Variants in SYNPO2 observed in about 807,000 individuals in gnomAD.
The protein encoded by SYNPO2 is synaptopodin-2.
In SYNPO2, 56 loss-of-function variants were observed where a neutral mutation model predicts 85.0. That is an observed-to-expected ratio of 0.66 (90% CI 0.53 to 0.82). The LOEUF (loss-of-function observed/expected upper bound fraction) is 0.82, where lower values mean the gene tolerates loss of function less well. SYNPO2 is among the 40% of genes least tolerant of loss of function. The pLI, the probability that SYNPO2 is intolerant of heterozygous loss-of-function variation, is 0.00. For missense variants in SYNPO2, 1,575 were observed against 1,534.2 expected (o/e 1.03, Z -0.44); for synonymous variants, 602 against 591.1 (o/e 1.02, Z -0.27).
intron 1 of SYNPO2, among the ~76,000 whole-genome samples, chr4:118,934,099 C>A (rs1578563700): frequency 1.3e-5 from 2 of 151,994 alleles, no homozygotes; most frequent in African/African-American, 4.8e-5. Flanking sequence ...ATGCAGACTG[C>A]AGTTGGTCTC....
intron 4 of SYNPO2, chr4:119,036,281 T>C: frequency 1.0e-6 from 1 of 985,416 alleles, no homozygotes; most frequent in Non-Finnish European, 1.2e-6. Flanking sequence ...AAATCAGGGT[T>C]GTTGAGTTTG....
chr4:119,053,733 G>A (rs1392452621), intron 4 of SYNPO2, among the ~76,000 whole-genome samples: 1 of 152,070 alleles, frequency 6.6e-6, no homozygotes, highest in East Asian at 1.9e-4. Flanking sequence ...CAAACTCAGT[G>A]CATAAGAGAA....
chr4:118,915,239 A>C (rs957381589), intron 1 of SYNPO2, among the ~76,000 whole-genome samples: 2 of 152,082 alleles, frequency 1.3e-5, no homozygotes, highest in Non-Finnish European at 2.9e-5. Flanking sequence ...CCAAACAAAA[A>C]CTAAGATAAT....
chr4:118,936,583 A>G (rs1360689897), intron 1 of SYNPO2, among the ~76,000 whole-genome samples: 1 of 152,144 alleles, frequency 6.6e-6, no homozygotes, highest in African/African-American at 2.4e-5. Flanking sequence ...CAGCGTGATA[A>G]CCACCCAGGG....
intron 1 of SYNPO2, among the ~76,000 whole-genome samples, chr4:118,909,910 A>G (rs1379921171): frequency 6.6e-6 from 1 of 152,212 alleles, no homozygotes; most frequent in Non-Finnish European, 1.5e-5. Context: ...ACGACACCGC[A>G]GTTGTACAGT....
chr4:118,947,652 T>C (rs916513493), intron 1 of SYNPO2, among the ~76,000 whole-genome samples: 2 of 152,260 alleles, frequency 1.3e-5, no homozygotes, highest in African/African-American at 4.8e-5. Context: ...ACACTTCTGC[T>C]TTAGAATTGA....
chr4:119,033,533 A>G (rs767452381), intron 4 of SYNPO2: 9 of 985,338 alleles, frequency 9.1e-6, no homozygotes, highest in Non-Finnish European at 1.1e-5. Flanking sequence ...ACTATAAAGC[A>G]TTTATGACAG....
intron 1 of SYNPO2, among the ~76,000 whole-genome samples, chr4:118,956,678 T>C (rs1734887591): frequency 6.6e-6 from 1 of 152,116 alleles, no homozygotes; most frequent in Non-Finnish European, 1.5e-5. Context: ...TCAAATGGTC[T>C]CTGAACTGTA....
chr4:119,024,309 C>T (rs1386139676), intron 2 of SYNPO2, among the ~76,000 whole-genome samples: 6 of 152,162 alleles, frequency 3.9e-5, no homozygotes, highest in African/African-American at 9.7e-5. Flanking sequence ...GATTTTGCAA[C>T]GGAAGCTCTG....
intron 1 of SYNPO2, among the ~76,000 whole-genome samples, chr4:118,874,780 T>G (rs1731871783): frequency 6.6e-6 from 1 of 152,146 alleles, no homozygotes; most frequent in Admixed American, 6.5e-5. Context: ...AACAAAAATT[T>G]CAAGTTTTTT....
chr4:119,022,762 A>ATTTTATTTTATGTTT (rs1737786392), intron 1 of SYNPO2, among the ~76,000 whole-genome samples: 4 of 109,782 alleles, frequency 3.6e-5, no homozygotes, highest in Non-Finnish European at 6.1e-5. Flanking sequence ...ATTTTATTTT[A>ATTTTATTTTATGTTT]TATTTTATTT....
intron 4 of SYNPO2, chr4:119,033,258 T>C: frequency 1.0e-6 from 1 of 985,382 alleles, no homozygotes; most frequent in South Asian, 4.7e-5. Context: ...TTTCTTGTGT[T>C]TGCTTTGCTT....
chr4:118,871,488 G>A (rs1731798455), intron 1 of SYNPO2, among the ~76,000 whole-genome samples: 1 of 151,838 alleles, frequency 6.6e-6, no homozygotes, highest in African/African-American at 2.4e-5. Flanking sequence ...ACCGGAATAT[G>A]TGCTTGTAGG....
At position 118,863,453 on chromosome 4, in the gene SYNPO2, T is replaced by C. The variant is rs567485325; in HGVS notation, c.12+12513T>C. Among the ~76,000 whole-genome samples the C allele has an allele frequency of 3.3e-4, 51 of 152,290 alleles. 1 individual carries two copies. Among genetic ancestry groups the C allele is most frequent in the African/African-American group, 1.1e-3 (45 of 41,572 alleles). ...TCCAATTTATTGTCATATAGTTGCTTATAGTAGTCACTAATAATCCTTTGA... is the reference window on the plus strand; with the variant it reads ...TCCAATTTATTGTCATATAGTTGCTCATAGTAGTCACTAATAATCCTTTGA... On this transcript the variant is annotated intron_variant, in intron 1 of 4. Transcript: ENST00000610556.
intron 1 of SYNPO2, among the ~76,000 whole-genome samples, chr4:118,853,423 C>T (rs529520321): frequency 5.3e-4 from 81 of 152,146 alleles, no homozygotes; most frequent in African/African-American, 1.9e-3. Flanking sequence ...AGCATTGCAA[C>T]AAAATGTCGG....
At chr4:118,893,868 G>A (rs1007368442) in intron 1 of SYNPO2, among the ~76,000 whole-genome samples, 1 of 151,622 alleles carries the variant, frequency 6.6e-6, no homozygotes, top group Non-Finnish European at 1.5e-5. Context: ...AAATGTTCTC[G>A]TCACAAAGAA....
chr4:118,935,852 G>A (rs1204683686), intron 1 of SYNPO2, among the ~76,000 whole-genome samples: 2 of 152,206 alleles, frequency 1.3e-5, no homozygotes, highest in African/African-American at 4.8e-5. Flanking sequence ...TATTCATTAA[G>A]TGGAAGTGAA....
intron 1 of SYNPO2, among the ~76,000 whole-genome samples, chr4:118,958,865 A>G (rs1553941237): frequency 6.6e-6 from 1 of 152,130 alleles, no homozygotes; most frequent in Non-Finnish European, 1.5e-5. Context: ...CTAAGGAACC[A>G]CTTCTGATTT....
At chr4:119,021,385 C>T (rs949302514) in intron 1 of SYNPO2, among the ~76,000 whole-genome samples, 8 of 152,128 alleles carry the variant, frequency 5.3e-5, no homozygotes, top group African/African-American at 1.7e-4. Flanking sequence ...CAGAAATAAG[C>T]CTAGCCATGA....
Sources: gnomAD v4.1 joint callset for allele counts (sites outside exome capture counted in the v4.1 genomes callset) on GRCh38, gnomAD v4.1.1 for gene constraint, MANE v1.5 for transcripts, NCBI Gene and HGNC (gene_info 2026-07-23, HGNC 2026-07-21) for gene names.